The following NFE2L3 variants were observed in gnomAD, a reference collection of about 807,000 sequenced individuals.
NFE2L3 encodes NFE2 like bZIP transcription factor 3, also known as nuclear factor erythroid 2-related factor 3.
A neutral mutation model predicts 23.5 loss-of-function variants in NFE2L3; 18 were observed. That is an observed-to-expected ratio of 0.77 (90% CI 0.53 to 1.13). NFE2L3 has a LOEUF of 1.13. Among genes scored for constraint, NFE2L3 ranks in the 50% most tolerant of loss-of-function variants. The probability of loss-of-function intolerance (pLI) is 0.00; values close to 1 mark genes in which losing one functional copy is unlikely to be tolerated. For missense variants in NFE2L3, 1,152 were observed against 877.2 expected, an observed-to-expected ratio of 1.31 and a Z score of -3.96; for synonymous variants, 424 against 354.5, an observed-to-expected ratio of 1.20 and a Z score of -2.20.
chr7:26,161,335 CTTTTTTTTTTT>C (rs914055111), intron 1 of NFE2L3, among the ~76,000 whole-genome samples: 29 of 69,572 alleles, frequency 4.2e-4, no homozygotes, highest in Non-Finnish European at 6.1e-4. Context: ...GCTTCTCTCT[CTTTTTTTTTTT>C]TTTTTTTTTT....
At chr7:26,159,575 T>C (rs1261481878) in intron 1 of NFE2L3, among the ~76,000 whole-genome samples, 1 of 152,202 alleles carries the variant, frequency 6.6e-6, no homozygotes, top group African/African-American at 2.4e-5. Context: ...ACATTGTGTT[T>C]GCAGAACTTC....
In NFE2L3 at chr7:26,185,327, A is replaced by G; in HGVS notation, c.1629A>G (p.Lys543=). The change falls in exon 4 of 4, where the codon AAA becomes AAG. Residue 543 remains lysine, a synonymous_variant. Coordinates refer to ENST00000056233, the MANE Select transcript of NFE2L3 (RefSeq NM_004289.7). ...TGAGCCGTGATGAACAGCGTGCTAAAGCTTTGCATATCCCTTTTTCTGTAG... is the reference window on the plus strand; with the variant it reads ...TGAGCCGTGATGAACAGCGTGCTAAGGCTTTGCATATCCCTTTTTCTGTAG... ...RNLSRDEQRA[K]ALHIPFSVDE... The G allele has an allele frequency of 6.2e-7, 1 of 1,613,940 alleles. No individual in the cohort carries two copies. Among genetic ancestry groups the G allele is most frequent in the Non-Finnish European group, 8.5e-7 (1 of 1,180,010 alleles).
intron 2 of NFE2L3, among the ~76,000 whole-genome samples, chr7:26,181,023 C>G (rs952083305): frequency 6.6e-6 from 1 of 151,940 alleles, no homozygotes; most frequent in African/African-American, 2.4e-5. Context: ...GTCACCCAGG[C>G]TAAAGTGCAG....
At chr7:26,165,555 G>A (rs975231890) in intron 1 of NFE2L3, among the ~76,000 whole-genome samples, 15 of 152,180 alleles carry the variant, frequency 9.9e-5, no homozygotes, top group African/African-American at 3.4e-4. Context: ...GGGCTGAGAC[G>A]ATGGGATTTT....
chr7:26,184,082 G>A lies in NFE2L3; in HGVS notation c.834+298G>A, dbSNP rs1157458687. 1.2e-5 allele frequency: 5 copies of A among 413,946 alleles called. No homozygotes were observed. In the East Asian group the frequency reaches 1.9e-4, roughly 15 times the overall value. The allele number at this position is 413,946 out of a possible 1,614,324, so 25.6% of individuals were successfully genotyped here. A position where few individuals can be genotyped will look rare whatever the true frequency, so the allele number is the denominator to read the frequency against. The stretch of plus-strand genomic sequence containing the variant: ...AAATCAGTGTATCAAAGGGACACCT[G>A]CACCCCCATGTTTATTGCAGCAATA... On this transcript the variant is annotated intron_variant, in intron 3 of 3. Coordinates refer to ENST00000056233, the MANE Select transcript of NFE2L3 (RefSeq NM_004289.7).
At chr7:26,180,832 A>G (rs935037436) in intron 2 of NFE2L3, among the ~76,000 whole-genome samples, 1 of 152,244 alleles carries the variant, frequency 6.6e-6, no homozygotes, top group Admixed American at 6.5e-5. Context: ...CAATTTGGAC[A>G]AAACTTTTCA....
chr7:26,167,428 C>T (rs1287562156), intron 1 of NFE2L3, among the ~76,000 whole-genome samples: 1 of 152,118 alleles, frequency 6.6e-6, no homozygotes, highest in Non-Finnish European at 1.5e-5. Flanking sequence ...GCCTTTCCAG[C>T]AGGTGCCAGT....
Position 26,185,843 on chromosome 7 carries a change from G to A in NFE2L3, c.*60G>A. The A allele has an allele frequency of 1.5e-6, 2 of 1,360,512 alleles. No individual in the cohort carries two copies. Among genetic ancestry groups the A allele is most frequent in the Non-Finnish European group, 2.0e-6 (2 of 1,006,888 alleles). 84.3% of individuals were successfully genotyped at this position (1,360,512 alleles called of 1,614,324 possible). ...AGTAATGTTCAGAAACTGATTATTT[G>A]GATCAGAAACCATTGAAACTGCTTC... On this transcript the variant is annotated 3_prime_UTR_variant, in exon 4 of 4. Transcript: ENST00000056233.
intron 3 of NFE2L3, chr7:26,184,245 A>G (rs546013144): frequency 1.3e-5 from 5 of 384,002 alleles, no homozygotes; most frequent in Non-Finnish European, 2.4e-5. Flanking sequence ...ATCTTATTAT[A>G]AAGTAGCAAA....
chr7:26,182,900 C>T (rs1477669524), intron 2 of NFE2L3, among the ~76,000 whole-genome samples: 1 of 152,168 alleles, frequency 6.6e-6, no homozygotes, highest in Non-Finnish European at 1.5e-5. Context: ...CTCAGGCAGT[C>T]CTCCTGCCTC....
chr7:26,171,552 A>G (rs868425564), intron 1 of NFE2L3, among the ~76,000 whole-genome samples: 19 of 151,924 alleles, frequency 1.3e-4, no homozygotes, highest in African/African-American at 4.3e-4. Flanking sequence ...CTGAAAAGAA[A>G]AAAAAAAAAA....
At chr7:26,158,608 C>G (rs1055195717) in intron 1 of NFE2L3, among the ~76,000 whole-genome samples, 1 of 152,180 alleles carries the variant, frequency 6.6e-6, no homozygotes, top group Admixed American at 6.5e-5. Flanking sequence ...CTCAAACCAT[C>G]TTTTTCCAGT....
chr7:26,175,667 T>TGACACAGCACATGTTTCAG (rs1554323222), intron 1 of NFE2L3, among the ~76,000 whole-genome samples: 1 of 151,234 alleles, frequency 6.6e-6, no homozygotes, highest in Non-Finnish European at 1.5e-5. Flanking sequence ...TAGTCCCAGT[T>TGACACAGCACATGTTTCAG]ACTGGGGAGG....
intron 2 of NFE2L3, among the ~76,000 whole-genome samples, chr7:26,181,207 G>C (rs919704308): frequency 6.6e-6 from 1 of 152,066 alleles, no homozygotes; most frequent in Non-Finnish European, 1.5e-5. Flanking sequence ...AAATTCCTGG[G>C]CTCAAGCAAT....
chr7:26,169,904 C>G (rs977436873), intron 1 of NFE2L3, among the ~76,000 whole-genome samples: 3 of 151,954 alleles, frequency 2.0e-5, no homozygotes, highest in Admixed American at 1.3e-4. Flanking sequence ...TCAAGACCAG[C>G]CTGGGCAACA....
At chr7:26,177,283 T>C (rs934606328) in intron 1 of NFE2L3, among the ~76,000 whole-genome samples, 1 of 151,976 alleles carries the variant, frequency 6.6e-6, no homozygotes, top group Non-Finnish European at 1.5e-5. Context: ...GCCGAGATCA[T>C]GCCACTGCAC....
In NFE2L3 at chr7:26,152,842, G is replaced by C. The variant is rs892231553; in HGVS notation, c.344G>C (p.Ser115Thr). 7 of 1,475,838 alleles carry C rather than the reference G, an allele frequency of 4.7e-6. No homozygotes were observed. The highest frequency in any genetic ancestry group is 6.2e-6 in the Non-Finnish European group (7 of 1,121,304). 91.4% of individuals were successfully genotyped at this position (1,475,838 alleles called of 1,614,324 possible). A position where few individuals can be genotyped will look rare whatever the true frequency, so the allele number is the denominator to read the frequency against. ...AGCGTGGATGCATGGCTGGTGCACA[G>C]CGTGGCTGCCGGGAGCGCGGACGAG... Reference protein sequence around the residue: ...RTSVDAWLVHSVAAGSADEAH... With the variant: ...RTSVDAWLVHTVAAGSADEAH... The change falls in exon 1 of 4, where the codon AGC (serine) becomes ACC (threonine). Residue 115 changes from serine to threonine, a missense_variant. Coordinates refer to ENST00000056233, the MANE Select transcript of NFE2L3 (RefSeq NM_004289.7). This position sits in a 1 kb window ranked among gnomAD's most constrained non-coding sequence, Gnocchi z 4.4.
intron 1 of NFE2L3, among the ~76,000 whole-genome samples, chr7:26,156,982 C>T (rs774833515): frequency 6.6e-6 from 1 of 152,056 alleles, no homozygotes; most frequent in Admixed American, 6.5e-5. Flanking sequence ...CACGGTGGCA[C>T]GTGCCTGTAG....
chr7:26,184,703 T>G lies in NFE2L3; in HGVS notation c.1005T>G (p.Thr335=). 2 of 1,613,906 alleles carry G rather than the reference T, an allele frequency of 1.2e-6. No individual in the cohort carries two copies. The highest frequency in any genetic ancestry group is 1.7e-6 in the Non-Finnish European group (2 of 1,179,864). The part of the protein sequence containing the change: ...NTFRRDPTAR[T]SQSQEPFLQL... ...TTAGAAGAGATCCAACAGCAAGGAC[T>G]TCACAGTCACAAGAACCATTTCTGC... Residue 335 remains threonine (T), a synonymous_variant, in exon 4 of 4, where the codon ACT becomes ACG. Transcript: ENST00000056233.
Sources: allele counts gnomAD v4.1 joint callset (sites outside exome capture counted in the v4.1 genomes callset), GRCh38; gene constraint gnomAD v4.1.1; non-coding constraint Gnocchi (gnomAD v3.1); transcripts MANE v1.5; gene names NCBI Gene and HGNC (gene_info 2026-07-23, HGNC 2026-07-21).